The following IFT80 variants were observed in gnomAD, a reference collection of about 807,000 sequenced individuals.
The protein encoded by IFT80 is intraflagellar transport protein 80 homolog.
In IFT80, 79 loss-of-function variants were observed where a neutral mutation model predicts 107.9. The ratio of observed to expected loss-of-function variants is 0.73; its 90% CI spans 0.61 to 0.88. The LOEUF is 0.88. Ranked by LOEUF, IFT80 falls within the 40% of genes least tolerant of loss-of-function variation. The probability of loss-of-function intolerance (pLI) is 0.00; values close to 1 mark genes in which losing one functional copy is unlikely to be tolerated. For missense variants in IFT80, 797 were observed against 914.2 expected (o/e 0.87, Z 1.65); for synonymous variants, 299 against 300.9 (o/e 0.99, Z 0.07).
chr3:160,326,089 C>A lies in IFT80; in HGVS notation c.778-6150G>T, dbSNP rs1257733441. ...GTACCCATTAATGATAACAAACCCC[C>A]ATAATACAAGGTTACCTACATAACA... On this transcript the variant is annotated intron_variant, in intron 8 of 19. Coordinates refer to ENST00000326448, the MANE Select transcript of IFT80 (RefSeq NM_020800.3). Among the ~76,000 whole-genome samples the A allele has an allele frequency of 2.0e-5, 3 of 152,068 alleles. No homozygotes were observed. The East Asian group carries it at 5.8e-4, about 29-fold the overall frequency.
chr3:160,330,588 G>A (rs1298053147), intron 8 of IFT80, among the ~76,000 whole-genome samples: 2 of 152,120 alleles, frequency 1.3e-5, no homozygotes, highest in Admixed American at 6.6e-5. Context: ...ACCTAGGATT[G>A]TTAAAATGGA....
At chr3:160,337,101 T>C (rs1195880184) in intron 8 of IFT80, among the ~76,000 whole-genome samples, 2 of 152,186 alleles carry the variant, frequency 1.3e-5, no homozygotes, top group Non-Finnish European at 2.9e-5. Context: ...ATTTTTGCAA[T>C]GTTGGTGTCT....
At chr3:160,387,731 T>C (rs547427088) in intron 1 of IFT80, among the ~76,000 whole-genome samples, 5 of 152,048 alleles carry the variant, frequency 3.3e-5, no homozygotes, top group Admixed American at 6.6e-5. Flanking sequence ...AAGTGGGAAG[T>C]TGGAGTTGCA....
intron 9 of IFT80, among the ~76,000 whole-genome samples, chr3:160,311,692 C>G (rs943929041): frequency 1.3e-5 from 2 of 152,148 alleles, no homozygotes; most frequent in East Asian, 3.8e-4. Flanking sequence ...CTAACCAGAT[C>G]CAGCGATATG....
At chr3:160,304,448 T>C (rs1716678846) in intron 10 of IFT80, among the ~76,000 whole-genome samples, 1 of 150,252 alleles carries the variant, frequency 6.7e-6, no homozygotes, top group South Asian at 2.1e-4. Flanking sequence ...TTTTTTTTTT[T>C]TTTTTGAGAT....
At chr3:160,310,316 C>G (rs1717150915) in intron 9 of IFT80, among the ~76,000 whole-genome samples, 1 of 152,156 alleles carries the variant, frequency 6.6e-6, no homozygotes, top group Non-Finnish European at 1.5e-5. Context: ...AAGAGAATAA[C>G]CACGATGGGT....
intron 9 of IFT80, among the ~76,000 whole-genome samples, chr3:160,315,260 A>G (rs1717730856): frequency 6.6e-6 from 1 of 152,198 alleles, no homozygotes; most frequent in Non-Finnish European, 1.5e-5. Flanking sequence ...ATAAACACAG[A>G]GCAGAAGAAG....
chr3:160,267,736 T>C (rs186874282), intron 19 of IFT80, among the ~76,000 whole-genome samples: 1 of 152,300 alleles, frequency 6.6e-6, no homozygotes, highest in Admixed American at 6.5e-5. Context: ...CTTTTTATTT[T>C]TATTTGTTTA....
chr3:160,306,728 A>C (rs1716857454), intron 10 of IFT80, among the ~76,000 whole-genome samples: 1 of 152,162 alleles, frequency 6.6e-6, no homozygotes, highest in African/African-American at 2.4e-5. Context: ...AATGAATGGG[A>C]ATTTTTAAAT....
At chr3:160,381,427 ACAACT>A (rs1712510472) in intron 3 of IFT80, 71 bp downstream of exon 3, 7 of 1,138,936 alleles carry the variant, frequency 6.1e-6, no homozygotes, top group Non-Finnish European at 9.2e-6. Flanking sequence ...GTTTTGTAAA[ACAACT>A]CAAAGCATAA....
intron 3 of IFT80, among the ~76,000 whole-genome samples, chr3:160,380,484 A>G (rs1460881769): frequency 6.6e-6 from 1 of 152,130 alleles, no homozygotes; most frequent in African/African-American, 2.4e-5. Context: ...CAGAGAGTCT[A>G]CCCAAGAGAT....
Position 160,282,460 on chromosome 3 carries a change from G to T in IFT80, c.1516+18C>A. 3 of 1,497,652 alleles carry T rather than the reference G, an allele frequency of 2.0e-6. No homozygotes were observed. The highest frequency in any genetic ancestry group is 1.8e-6 in the Non-Finnish European group (2 of 1,087,164). 92.8% of individuals were successfully genotyped at this position (1,497,652 alleles called of 1,614,324 possible). On this transcript the variant is annotated intron_variant, in intron 14 of 19. Coordinates refer to ENST00000326448, the MANE Select transcript of IFT80 (RefSeq NM_020800.3). ...AAAGTTGACAATTAAAACTTAAAAT[G>T]TATTAAAATTATTTTACCAAGCTTG... is the stretch of plus-strand genomic sequence containing the variant.
intron 15 of IFT80, 57 bp from the exon 16 acceptor site, chr3:160,279,421 A>C (rs1210342337): frequency 1.4e-6 from 2 of 1,435,376 alleles, no homozygotes; most frequent in African/African-American, 2.8e-5. Context: ...AAAATTTTTC[A>C]TGTATATTAA....
rs149420750 is a variant in IFT80 at position 160,301,074 on chromosome 3, C to A, written c.1152-28G>T. Reference sequence around the variant, plus strand: ...AAAAAATAAAGAATAGAAATAGATTCTCAAACAGGAGTATACTTTATTTTT... The same window carrying A: ...AAAAAATAAAGAATAGAAATAGATTATCAAACAGGAGTATACTTTATTTTT... On this transcript the variant is annotated intron_variant, in intron 11 of 19. Coordinates refer to ENST00000326448, the MANE Select transcript of IFT80 (RefSeq NM_020800.3). 1,689 of 1,532,866 alleles carry A rather than the reference C, an allele frequency of 1.1e-3. 30 individuals carry two copies. The East Asian group carries it at 0.036, about 32-fold the overall frequency. The allele number at this position is 1,532,866 out of a possible 1,614,324, so 95.0% of individuals were successfully genotyped here. A position where few individuals can be genotyped will look rare whatever the true frequency, so the allele number is the denominator to read the frequency against.
At chr3:160,395,488 T>C (rs193128219) in intron 1 of IFT80, among the ~76,000 whole-genome samples, 16 of 152,372 alleles carry the variant, frequency 1.1e-4, no homozygotes, top group Admixed American at 3.3e-4. Context: ...TGTTAGCCCA[T>C]GTGGCATGAG....
At chr3:160,348,782 G>A (rs1720471462) in intron 8 of IFT80, among the ~76,000 whole-genome samples, 1 of 152,120 alleles carries the variant, frequency 6.6e-6, no homozygotes, top group Admixed American at 6.5e-5. Context: ...TGGATACATG[G>A]ATTAATCTTG....
intron 4 of IFT80, 57 bp from the exon 5 acceptor site, chr3:160,375,937 C>G: frequency 8.8e-7 from 1 of 1,138,334 alleles, no homozygotes; most frequent in Non-Finnish European, 1.3e-6. Context: ...TAAATTTAAA[C>G]ATTAAATTTG....
rs1712536823 is a variant in IFT80, at chr3:160,258,563, T to C, written c.2296A>G (p.Ser766Gly). ...CCTATACTCTTGCTGGATTGGCTGC[T>C]TGATGATTGCTCTCTTTCTTTTGTA... is the stretch of plus-strand genomic sequence containing the variant. ...EITKEREQSS[S>G]SQSSKSIGLK... is the part of the protein sequence containing the mutation. The change falls in exon 20 of 20, where the codon AGC becomes GGC. Residue 766 changes from serine to glycine, a missense_variant. Ser to Gly is a moderately conservative substitution (Grantham distance 56). Transcript: ENST00000326448. 5.6e-6 allele frequency: 9 copies of C among 1,613,738 alleles called. No homozygotes were observed. The highest frequency in any genetic ancestry group is 7.6e-6 in the Non-Finnish European group (9 of 1,179,988).
At chr3:160,275,884 T>C (rs1714224966) in intron 18 of IFT80, among the ~76,000 whole-genome samples, 2 of 152,146 alleles carry the variant, frequency 1.3e-5, no homozygotes, top group African/African-American at 4.8e-5. Context: ...TATGAATAAA[T>C]TCAGGACAAA....
Sources: gnomAD v4.1 joint callset for allele counts (sites outside exome capture counted in the v4.1 genomes callset) on GRCh38, gnomAD v4.1.1 for gene constraint, MANE v1.5 for transcripts, NCBI Gene and HGNC (gene_info 2026-07-23, HGNC 2026-07-21) for gene names.